The following DLEC1 variants were observed in gnomAD, a reference collection of about 807,000 sequenced individuals.
DLEC1 encodes DLEC1 cilia and flagella associated protein, also known as deleted in lung and esophageal cancer protein 1.
In DLEC1, 146 loss-of-function variants were observed where a neutral mutation model predicts 198.1. The ratio of observed to expected loss-of-function variants is 0.74; its 90% CI spans 0.64 to 0.85. DLEC1 has a LOEUF of 0.85. DLEC1 is among the 40% of genes least tolerant of loss of function. The pLI is 0.00. For synonymous variants in DLEC1, 897 were observed against 866.8 expected (o/e 1.03, Z -0.61); for missense variants, 2,233 against 2,220.0 (o/e 1.01, Z -0.12).
intron 10 of DLEC1, 78 bp downstream of exon 10, chr3:38,088,466 G>A (rs902933239): frequency 7.3e-7 from 1 of 1,377,434 alleles, no homozygotes; most frequent in Admixed American, 1.7e-5. Flanking sequence ...TGACTCAAGT[G>A]TCCAGTCCCA....
Position 38,108,518 on chromosome 3 carries a change from G to A in DLEC1, c.3129+3G>A. Reference sequence around the variant, plus strand: ...TGGAGTTGACTGCTCATACCCAGGTGAGTAAGGCAATGTAGGGCCTGAGTG... The same window carrying A: ...TGGAGTTGACTGCTCATACCCAGGTAAGTAAGGCAATGTAGGGCCTGAGTG... On this transcript the variant is annotated splice_donor_region_variant and intron_variant, in intron 21 of 36. Transcript: ENST00000308059. The A allele has an allele frequency of 1.2e-6, 2 of 1,613,110 alleles. No individual in the cohort carries two copies. The highest frequency in any genetic ancestry group is 8.5e-7 in the Non-Finnish European group (1 of 1,179,416).
intron 14 of DLEC1, among the ~76,000 whole-genome samples, 166 bp from the exon 15 acceptor site, chr3:38,096,403 A>G (rs1241786506): frequency 1.3e-5 from 2 of 152,076 alleles, no homozygotes; most frequent in Non-Finnish European, 2.9e-5. Flanking sequence ...ATCGGTGCTT[A>G]TCACCTTTCA....
chr3:38,095,987 G>C (rs548473758), intron 14 of DLEC1, 41 bp downstream of exon 14: 2 of 1,610,280 alleles, frequency 1.2e-6, no homozygotes, highest in African/African-American at 2.7e-5. Context: ...GGGCAGCTGG[G>C]CCTTCCCCCA....
At chr3:38,098,065 G>T (rs899272204) in intron 18 of DLEC1, among the ~76,000 whole-genome samples, 163 bp downstream of exon 18, 1 of 152,208 alleles carries the variant, frequency 6.6e-6, no homozygotes, top group Non-Finnish European at 1.5e-5. Context: ...TCTCCCCATC[G>T]CTGAGGCAGC....
At position 38,096,709 on chromosome 3, in the gene DLEC1, T is replaced by C. The variant is rs1171644517; in HGVS notation, c.2312T>C (p.Ile771Thr). The C allele has an allele frequency of 3.7e-6, 6 of 1,611,562 alleles. No individual in the cohort carries two copies. The highest frequency in any genetic ancestry group is 2.2e-5 in the East Asian group (1 of 44,860). Residue 771 changes from isoleucine (I) to threonine (T), a missense_variant, in exon 15 of 37, where the codon ATT (isoleucine) becomes ACT (threonine). Physicochemically the swap from Ile to Thr is moderately conservative, Grantham distance 89. Transcript: ENST00000308059. Reference protein sequence around the residue: ...YALIIPGENYIGINVKKAFKM... With the variant: ...YALIIPGENYTGINVKKAFKM... ...CTCATCATCCCAGGGGAGAACTACA[T>C]TGGGATAAATGTGAAGAAGGCTTTT... is the stretch of plus-strand genomic sequence containing the variant.
rs538993048 is a variant in DLEC1 at position 38,100,312 on chromosome 3, G to A, written c.2751G>A (p.Ser917=). ...TGTCTCCCTTCGACATTGAGCCTTC[G>A]AGTGGCCAGCTTCACTCTCTGGGGG... is the stretch of plus-strand genomic sequence containing the variant. The part of the protein sequence containing the change: ...EDVSPFDIEP[S]SGQLHSLGEC... The change falls in exon 19 of 37, where the codon TCG becomes TCA. Residue 917 remains serine (S), a synonymous_variant. Coordinates refer to ENST00000308059, the MANE Select transcript of DLEC1 (RefSeq NM_007335.4). 3.8e-5 allele frequency: 62 copies of A among 1,612,972 alleles called. No individual in the cohort carries two copies. The South Asian group carries it at 4.4e-4, about 11-fold the overall frequency.
chr3:38,117,740 TA>T, intron 32 of DLEC1, 65 bp from the exon 33 acceptor site: 2 of 878,888 alleles, frequency 2.3e-6, no homozygotes, highest in Admixed American at 3.8e-5. Context: ...AGCCCTACCC[TA>T]GAGCCATGGG....
Position 38,063,916 on chromosome 3 carries a change from T to C in DLEC1, c.1170T>C (p.Tyr390=), listed in dbSNP as rs1193580456. The change falls in exon 6 of 37, where the codon TAT becomes TAC. Residue 390 remains tyrosine, a synonymous_variant. Coordinates refer to ENST00000308059, the MANE Select transcript of DLEC1 (RefSeq NM_007335.4). ...FFTDYEIGPV[Y]EMVIALQNTT... is the part of the protein sequence containing the mutation. ...CAGATTATGAAATTGGTCCAGTTTA[T>C]GAGGTAGACATCTTGTTTCTTTACA... 2 of 1,610,504 alleles carry C rather than the reference T, an allele frequency of 1.2e-6. No individual in the cohort carries two copies. The highest frequency in any genetic ancestry group is 3.3e-5 in the Admixed American group (2 of 59,906).
intron 2 of DLEC1, among the ~76,000 whole-genome samples, chr3:38,058,954 G>T (rs35812795): frequency 0.019 from 2,853 of 152,222 alleles, 44 homozygotes; most frequent in Non-Finnish European, 0.031. Context: ...GCCAAAGGTA[G>T]CCATTGCTAG....
chr3:38,089,936 T>C (rs1698657286), intron 10 of DLEC1, among the ~76,000 whole-genome samples: 1 of 152,186 alleles, frequency 6.6e-6, no homozygotes, highest in Admixed American at 6.5e-5. Context: ...CCTAGCACTT[T>C]GGGAGGCTAA....
At chr3:38,073,082 G>A (rs1021668317) in intron 6 of DLEC1, among the ~76,000 whole-genome samples, 11 of 152,208 alleles carry the variant, frequency 7.2e-5, no homozygotes, top group Non-Finnish European at 1.3e-4. Context: ...GGGTGACAGG[G>A]TCAGTCCAGG....
intron 26 of DLEC1, 129 bp from the exon 27 acceptor site, chr3:38,114,854 T>G: frequency 1.3e-6 from 1 of 790,904 alleles, no homozygotes; most frequent in Non-Finnish European, 2.1e-6. Flanking sequence ...CCAGGTCTCA[T>G]TAATTCTCGA....
intron 9 of DLEC1, among the ~76,000 whole-genome samples, chr3:38,087,548 ATG>A (rs751426720): frequency 1.8e-3 from 216 of 117,560 alleles, no homozygotes; most frequent in African/African-American, 2.5e-3. Flanking sequence ...ATCCATCAGC[ATG>A]CTCACACCAT....
Position 38,039,387 on chromosome 3 carries a change from C to T in DLEC1, c.162C>T (p.Ala54=), listed in dbSNP as rs372394872. The change falls in exon 1 of 37, where the codon GCC becomes GCT. Residue 54 remains alanine, a synonymous_variant. Transcript: ENST00000308059. ...ATTCCTCCCTCGCCTACTCTGAGGC[C>T]TTCCACTACAGCTTCGCAGCCCGGC... ...SLYSSLAYSE[A]FHYSFAARPR... 3.7e-6 allele frequency: 6 copies of T among 1,614,088 alleles called. No individual in the cohort carries two copies. In the Admixed American group the frequency reaches 5.0e-5, roughly 13 times the overall value.
In DLEC1 at chr3:38,117,012, CCTT is replaced by C. The variant is rs1444021741; in HGVS notation, c.4219_4221del (p.Phe1407del). The C allele has an allele frequency of 6.2e-7, 1 of 1,614,032 alleles. No individual in the cohort carries two copies. The highest frequency in any genetic ancestry group is 1.1e-5 in the South Asian group (1 of 91,088). On this transcript the variant is annotated inframe_deletion, in exon 30 of 37. Transcript: ENST00000308059. ...GGGGGCAGCAGTACCATCTACATCT[CCTT>C]CACCCCTATGGTGCTCAGCCCTGAG...
intron 14 of DLEC1, among the ~76,000 whole-genome samples, 190 bp downstream of exon 14, chr3:38,096,136 G>C (rs554461545): frequency 6.6e-6 from 1 of 152,154 alleles, no homozygotes; most frequent in Admixed American, 6.5e-5. Flanking sequence ...CACTAAGCTC[G>C]CTAAACTCAC....
chr3:38,067,973 C>T (rs543181089), intron 6 of DLEC1, among the ~76,000 whole-genome samples: 1 of 152,164 alleles, frequency 6.6e-6, no homozygotes, highest in South Asian at 2.1e-4. Flanking sequence ...ATGCTGGTCT[C>T]GAACTCCTGA....
intron 1 of DLEC1, among the ~76,000 whole-genome samples, chr3:38,045,241 AG>A (rs956946228): frequency 2.0e-5 from 3 of 152,166 alleles, no homozygotes; most frequent in African/African-American, 4.8e-5. Flanking sequence ...GTGGCACCAC[AG>A]GAAGTGTGCT....
At chr3:38,115,476 G>A (rs1387619653) in intron 27 of DLEC1, among the ~76,000 whole-genome samples, 3 of 152,034 alleles carry the variant, frequency 2.0e-5, no homozygotes, top group African/African-American at 4.8e-5. Context: ...AGGCTCCCCT[G>A]TGGAGGGGAG....
Sources: gnomAD v4.1 joint callset for allele counts (sites outside exome capture counted in the v4.1 genomes callset) on GRCh38, gnomAD v4.1.1 for gene constraint, MANE v1.5 for transcripts, NCBI Gene and HGNC (gene_info 2026-07-23, HGNC 2026-07-21) for gene names.